Variants in ZC3H4 observed in about 807,000 individuals in gnomAD.
ZC3H4 encodes the protein zinc finger CCCH-type containing 4, also known as zinc finger CCCH domain-containing protein 4.
A neutral mutation model predicts 108.3 loss-of-function variants in ZC3H4; 13 were observed. The ratio of observed to expected loss-of-function variants is 0.12; its 90% CI spans 0.08 to 0.19. The LOEUF is 0.19. Ranked by LOEUF, ZC3H4 falls within the 10% of genes least tolerant of loss-of-function variation. The pLI, the probability that ZC3H4 is intolerant of heterozygous loss-of-function variation, is 1.00. For synonymous variants in ZC3H4, 917 were observed against 749.6 expected (o/e 1.22, Z -3.65); for missense variants, 1,734 against 1,838.8 (o/e 0.94, Z 1.04).
chr19:47,081,015 A>G (rs1292761518), intron 11 of ZC3H4, among the ~76,000 whole-genome samples: 1 of 152,104 alleles, frequency 6.6e-6, no homozygotes, highest in African/African-American at 2.4e-5. Flanking sequence ...TTGGCCTCCC[A>G]AAGTGCTGGG....
intron 9 of ZC3H4, among the ~76,000 whole-genome samples, chr19:47,082,927 C>G (rs2057549364): frequency 6.6e-6 from 1 of 152,194 alleles, no homozygotes; most frequent in Admixed American, 6.5e-5. Context: ...TAGGTGAAAT[C>G]CAGGATTGTG....
intron 8 of ZC3H4, 141 bp from the exon 9 acceptor site, chr19:47,084,596 A>C: frequency 1.3e-6 from 1 of 784,376 alleles, no homozygotes; most frequent in Non-Finnish European, 2.1e-6. Flanking sequence ...GCTGCATCTA[A>C]CACGGAGGCT....
In ZC3H4 at chr19:47,082,300, A is replaced by C. The variant is rs910005774; in HGVS notation, c.1219-5T>G. On this transcript the variant is annotated splice_polypyrimidine_tract_variant and splice_region_variant and intron_variant, in intron 9 of 14. Coordinates refer to ENST00000253048, the MANE Select transcript of ZC3H4 (RefSeq NM_015168.2). ...GCTAAAATTACAGTGGTCTCCCTAG[A>C]AGAGAAGCAACAAAAACATAAGGTG... 3.7e-6 allele frequency: 6 copies of C among 1,604,768 alleles called. No individual in the cohort carries two copies. Among genetic ancestry groups the C allele is most frequent in the Non-Finnish European group, 5.1e-6 (6 of 1,171,398 alleles).
chr19:47,076,316 C>T lies in ZC3H4; in HGVS notation c.1441-3603G>A, dbSNP rs1464656057. On this transcript the variant is annotated intron_variant, in intron 11 of 14. Coordinates refer to ENST00000253048, the MANE Select transcript of ZC3H4 (RefSeq NM_015168.2). ...GCCAGACTCAACACATGCACGCGTGCGCGCGCGCGCACACACACACACACA... is the reference window on the plus strand; with the variant it reads ...GCCAGACTCAACACATGCACGCGTGTGCGCGCGCGCACACACACACACACA... 1.0e-4 allele frequency among the ~76,000 whole-genome samples: 7 copies of T among 67,632 alleles called. 1 individual carries two copies. The highest frequency in any genetic ancestry group is 9.7e-4 in the South Asian group (3 of 3,106). The allele number at this position is 67,632 out of a possible 152,430, so 44.4% of individuals were successfully genotyped here.
At chr19:47,092,884 G>A (rs1185209203) in intron 4 of ZC3H4, among the ~76,000 whole-genome samples, 1 of 151,064 alleles carries the variant, frequency 6.6e-6, no homozygotes. Context: ...TCCAAACCCG[G>A]ACACCCACGT....
intron 2 of ZC3H4, among the ~76,000 whole-genome samples, chr19:47,100,361 C>T (rs887545001): frequency 7.2e-5 from 11 of 152,158 alleles, no homozygotes; most frequent in Non-Finnish European, 1.6e-4. Flanking sequence ...AACAAATGTG[C>T]TCTGTCTCCT....
In ZC3H4 at chr19:47,067,642, C is replaced by A. The variant is rs749681343; in HGVS notation, c.2626G>T (p.Ala876Ser). The A allele has an allele frequency of 1.9e-5, 30 of 1,604,832 alleles. No individual in the cohort carries two copies. The highest frequency in any genetic ancestry group is 2.5e-5 in the Non-Finnish European group (30 of 1,177,574). ...RDPRLTRHVE[A>S]SGGSGPGDSG... ...TCACCTGGGCCAGACCCGCCAGAAG[C>A]CTCCACATGGCGGGTGAGTCTGGGG... is the stretch of plus-strand genomic sequence containing the variant. Residue 876 changes from alanine to serine, a missense_variant, in exon 15 of 15, where the codon GCT becomes TCT. Ala to Ser is a moderately conservative substitution (Grantham distance 99). This residue lies in a region of ZC3H4 where 540 missense variants were observed against 484.1 expected (regional missense o/e 1.12). Transcript: ENST00000253048. This position sits in a 1 kb window ranked among gnomAD's most constrained non-coding sequence, Gnocchi z 6.4.
At position 47,072,529 on chromosome 19, in the gene ZC3H4, G is replaced by A. The variant is rs1374276705; in HGVS notation, c.1625C>T (p.Pro542Leu). 14 of 1,382,418 alleles carry A rather than the reference G, an allele frequency of 1.0e-5. No individual in the cohort carries two copies. Among genetic ancestry groups the A allele is most frequent in the South Asian group, 6.7e-5 (5 of 74,128 alleles). 85.6% of individuals were successfully genotyped at this position (1,382,418 alleles called of 1,614,324 possible). ...TGGGGGAGGGGGAGGGGGCGGGGGC[G>A]GGGGGCCACCCTGCATGGGCCTGCC... Reference protein sequence around the residue: ...PNGRPMQGGPPPPPPPPPPPP... With the variant: ...PNGRPMQGGPLPPPPPPPPPP... The change falls in exon 12 of 15, where the codon CCG becomes CTG. Residue 542 changes from proline (P) to leucine (L), a missense_variant. By Grantham distance (98) the Pro-to-Leu change is moderately conservative. This residue lies in a region of ZC3H4 where 75 missense variants were observed against 85.8 expected (regional missense o/e 0.87). Coordinates refer to ENST00000253048, the MANE Select transcript of ZC3H4 (RefSeq NM_015168.2). The surrounding 1 kb of genome is among the most constrained non-coding windows in gnomAD (Gnocchi z 5.6).
chr19:47,104,310 C>A (rs111460960), intron 2 of ZC3H4, among the ~76,000 whole-genome samples: 21 of 152,152 alleles, frequency 1.4e-4, no homozygotes, highest in Admixed American at 3.9e-4. Flanking sequence ...CAGAGTAAGA[C>A]TCTGTCTAAA....
At chr19:47,109,718 C>G (rs2058012967) in intron 2 of ZC3H4, among the ~76,000 whole-genome samples, 1 of 152,152 alleles carries the variant, frequency 6.6e-6, no homozygotes, top group Admixed American at 6.6e-5. Context: ...GTTTCCTCAT[C>G]TACATGTGCG....
At chr19:47,099,494 A>C (rs2123046209) in intron 2 of ZC3H4, among the ~76,000 whole-genome samples, 1 of 151,708 alleles carries the variant, frequency 6.6e-6, no homozygotes, top group Non-Finnish European at 1.5e-5. Context: ...AGCTGCAGCC[A>C]GCTCTCCCTG....
At position 47,067,247 on chromosome 19, in the gene ZC3H4, G is replaced by C. The variant is rs1406958523; in HGVS notation, c.3021C>G (p.Thr1007=). The C allele has an allele frequency of 6.2e-7, 1 of 1,601,130 alleles. No individual in the cohort carries two copies. Among genetic ancestry groups the C allele is most frequent in the Non-Finnish European group, 8.5e-7 (1 of 1,173,900 alleles). The change falls in exon 15 of 15, where the codon ACC becomes ACG. Residue 1007 remains threonine, a synonymous_variant. Transcript: ENST00000253048. This position sits in a 1 kb window ranked among gnomAD's most constrained non-coding sequence, Gnocchi z 6.4. ...CAGCGCGGTGCAGCCGGGGGTCCAGGGTGGGCATGGATTGCAGGGCCGCGG... is the reference window on the plus strand; with the variant it reads ...CAGCGCGGTGCAGCCGGGGGTCCAGCGTGGGCATGGATTGCAGGGCCGCGG... ...PVPAALQSMP[T]LDPRLHRAAT... is the part of the protein sequence containing the mutation.
At position 47,077,714 on chromosome 19, in the gene ZC3H4, G is replaced by A. The variant is rs530889657; in HGVS notation, c.1440+3799C>T. Among the ~76,000 whole-genome samples, 20 of 151,776 alleles carry A rather than the reference G, an allele frequency of 1.3e-4. 1 individual carries two copies. In the South Asian group the frequency reaches 3.1e-3, roughly 24 times the overall value. ...CTACTAAAAACACAAAAAATGAGCC[G>A]GGCGTGATGGCACATGCCTGTAATC... On this transcript the variant is annotated intron_variant, in intron 11 of 14. Transcript: ENST00000253048.
chr19:47,109,269 C>T (rs2058006073), intron 2 of ZC3H4, among the ~76,000 whole-genome samples: 1 of 152,146 alleles, frequency 6.6e-6, no homozygotes, highest in African/African-American at 2.4e-5. Context: ...GAATGGAAAA[C>T]AATAAACCGT....
chr19:47,088,471 T>A (rs2057671715), intron 5 of ZC3H4, among the ~76,000 whole-genome samples: 1 of 151,200 alleles, frequency 6.6e-6, no homozygotes, highest in African/African-American at 2.4e-5. Context: ...TCGCTTGACC[T>A]CTGGAGGCAG....
At chr19:47,112,707 G>T (rs2058056362) in intron 1 of ZC3H4, 118 bp from the exon 2 acceptor site, 1 of 537,876 alleles carries the variant, frequency 1.9e-6, no homozygotes, top group Non-Finnish European at 2.8e-6. Flanking sequence ...TTCGGTTTCG[G>T]AATCACCTCT....
At chr19:47,093,900 G>T in intron 4 of ZC3H4, 70 bp downstream of exon 4, 1 of 1,388,796 alleles carries the variant, frequency 7.2e-7, no homozygotes, top group Non-Finnish European at 1.0e-6. Context: ...AACACAGCAA[G>T]TGCTCAAGAA....
intron 2 of ZC3H4, among the ~76,000 whole-genome samples, chr19:47,104,367 G>A (rs80148299): frequency 0.016 from 2,367 of 152,148 alleles, 48 homozygotes; most frequent in African/African-American, 0.045. Context: ...CAACCTATTC[G>A]TTAATTTCTA....
chr19:47,098,657 AG>A (rs1468967587), intron 2 of ZC3H4, among the ~76,000 whole-genome samples: 1 of 152,142 alleles, frequency 6.6e-6, no homozygotes, highest in Non-Finnish European at 1.5e-5. Flanking sequence ...CCAGCTACTC[AG>A]GAGGCTGAGG....
Sources: allele counts gnomAD v4.1 joint callset (sites outside exome capture counted in the v4.1 genomes callset), GRCh38; gene constraint gnomAD v4.1.1; regional missense constraint gnomAD v4.1.1; non-coding constraint Gnocchi (gnomAD v3.1); transcripts MANE v1.5; gene names NCBI Gene and HGNC (gene_info 2026-07-23, HGNC 2026-07-21).